Variants in MACROD2 observed in about 807,000 individuals in gnomAD.
MACROD2 encodes the protein mono-ADP ribosylhydrolase 2, also known as ADP-ribose glycohydrolase MACROD2.
MACROD2 carries 36 observed loss-of-function variants against 70.4 expected under a neutral mutation model. The ratio of observed to expected loss-of-function variants is 0.51; its 90% CI spans 0.39 to 0.68. The LOEUF (loss-of-function observed/expected upper bound fraction) is 0.68. MACROD2 is among the 30% of genes least tolerant of loss of function. The pLI is 0.00. For missense variants in MACROD2, 496 were observed against 538.4 expected (o/e 0.92, Z 0.78); for synonymous variants, 172 against 178.8 (o/e 0.96, Z 0.30).
chr20:15,217,115 AAG>A (rs908880909), intron 5 of MACROD2, among the ~76,000 whole-genome samples: 30 of 152,300 alleles, frequency 2.0e-4, no homozygotes, highest in African/African-American at 7.2e-4. Context: ...GGCATCCAAG[AAG>A]TAGTAGAAGC....
At chr20:15,207,353 G>A (rs1159537506) in intron 5 of MACROD2, among the ~76,000 whole-genome samples, 1 of 151,076 alleles carries the variant, frequency 6.6e-6, no homozygotes, top group Non-Finnish European at 1.5e-5. Context: ...GGGTTTGACA[G>A]AGTTTTAATT....
chr20:14,659,320 G>T (rs775351432), intron 4 of MACROD2, among the ~76,000 whole-genome samples: 5 of 152,114 alleles, frequency 3.3e-5, no homozygotes, highest in Non-Finnish European at 5.9e-5. Context: ...GTTTTTGGAA[G>T]AACACTTGTT....
At chr20:15,665,973 G>A (rs17697285) in intron 8 of MACROD2, among the ~76,000 whole-genome samples, 1,656 of 140,204 alleles carry the variant, frequency 0.012, 15 homozygotes, top group East Asian at 0.03. Context: ...GATATTTCAT[G>A]CTGTAGAGAA....
intron 5 of MACROD2, among the ~76,000 whole-genome samples, chr20:15,210,455 C>T (rs763324176): frequency 1.3e-4 from 19 of 151,950 alleles, no homozygotes; most frequent in Non-Finnish European, 2.4e-4. Context: ...AATAATTAAC[C>T]ATTTCATCTG....
chr20:15,774,434 T>C (rs567603661), intron 8 of MACROD2, among the ~76,000 whole-genome samples: 2 of 152,316 alleles, frequency 1.3e-5, no homozygotes, highest in African/African-American at 2.4e-5. Flanking sequence ...TCTCTTTTAC[T>C]TTGAAATCTC....
At chr20:15,503,706 C>T (rs1807616344) in intron 8 of MACROD2, among the ~76,000 whole-genome samples, 1 of 152,192 alleles carries the variant, frequency 6.6e-6, no homozygotes, top group African/African-American at 2.4e-5. Context: ...CTTTTATTCT[C>T]ATTCACCTGC....
intron 3 of MACROD2, among the ~76,000 whole-genome samples, chr20:14,341,311 C>T (rs2083010074): frequency 1.3e-5 from 2 of 152,196 alleles, no homozygotes; most frequent in South Asian, 4.1e-4. Flanking sequence ...CCTCAGCATT[C>T]TTCATGAGAA....
At chr20:14,742,034 CAGAT>C (rs1482809123) in intron 5 of MACROD2, among the ~76,000 whole-genome samples, 7 of 152,190 alleles carry the variant, frequency 4.6e-5, no homozygotes, top group South Asian at 2.1e-4. Context: ...TTTGGAAACA[CAGAT>C]AGAAGTGTCA....
intron 8 of MACROD2, among the ~76,000 whole-genome samples, chr20:15,769,130 G>A (rs2051578597): frequency 6.6e-6 from 1 of 152,246 alleles, no homozygotes; most frequent in South Asian, 2.1e-4. Flanking sequence ...TAATGCAATG[G>A]TGTTTTGTTT....
intron 8 of MACROD2, among the ~76,000 whole-genome samples, chr20:15,538,951 G>A (rs545680834): frequency 6.6e-6 from 1 of 151,908 alleles, no homozygotes; most frequent in Non-Finnish European, 1.5e-5. Flanking sequence ...AATTATAACT[G>A]TATGGGCATA....
At chr20:15,355,300 A>G (rs1278212797) in intron 6 of MACROD2, among the ~76,000 whole-genome samples, 2 of 152,234 alleles carry the variant, frequency 1.3e-5, no homozygotes, top group East Asian at 3.8e-4. Context: ...CCCCTCATGT[A>G]TGTTAATTTG....
chr20:14,747,125 G>A (rs188690276), intron 5 of MACROD2, among the ~76,000 whole-genome samples: 6 of 152,234 alleles, frequency 3.9e-5, no homozygotes, highest in South Asian at 2.1e-4. Flanking sequence ...TAAAGGTAGC[G>A]TGCTTTGCCA....
chr20:15,275,472 T>A (rs2077382747), intron 6 of MACROD2, among the ~76,000 whole-genome samples: 1 of 152,186 alleles, frequency 6.6e-6, no homozygotes, highest in Non-Finnish European at 1.5e-5. Context: ...ATCTAACAAA[T>A]CTTGCTGTGC....
chr20:15,053,739 T>C (rs1054945853), intron 5 of MACROD2, among the ~76,000 whole-genome samples: 1 of 152,160 alleles, frequency 6.6e-6, no homozygotes, highest in Admixed American at 6.5e-5. Context: ...GTCTTATTAT[T>C]TAAAGAATAC....
At chr20:14,999,972 G>A (rs1234148989) in intron 5 of MACROD2, among the ~76,000 whole-genome samples, 1 of 152,146 alleles carries the variant, frequency 6.6e-6, no homozygotes, top group East Asian at 1.9e-4. Flanking sequence ...ACTGTATATT[G>A]TTCAGGGCTA....
intron 5 of MACROD2, among the ~76,000 whole-genome samples, chr20:15,010,917 C>T (rs2075077949): frequency 6.6e-6 from 1 of 152,114 alleles, no homozygotes; most frequent in Admixed American, 6.5e-5. Context: ...CATGTTTTTC[C>T]TCCAAAATCA....
chr20:15,555,656 C>T (rs1268511020), intron 8 of MACROD2, among the ~76,000 whole-genome samples: 2 of 151,708 alleles, frequency 1.3e-5, no homozygotes, highest in Non-Finnish European at 2.9e-5. Context: ...ACCAGCACAA[C>T]ACGGTGAAAC....
At chr20:14,911,197 G>A (rs1009526271) in intron 5 of MACROD2, among the ~76,000 whole-genome samples, 4 of 152,126 alleles carry the variant, frequency 2.6e-5, no homozygotes, top group East Asian at 3.9e-4. Context: ...ATGAGAGTCC[G>A]TATTGGCAAC....
At chr20:14,219,696 A>G (rs1324212929) in intron 3 of MACROD2, among the ~76,000 whole-genome samples, 1 of 152,160 alleles carries the variant, frequency 6.6e-6, no homozygotes, top group Non-Finnish European at 1.5e-5. Flanking sequence ...GCTGTTGTTC[A>G]GATTCTTTTT....
Sources: allele counts gnomAD v4.1 joint callset (sites outside exome capture counted in the v4.1 genomes callset), GRCh38; gene constraint gnomAD v4.1.1; transcripts MANE v1.5; gene names NCBI Gene and HGNC (gene_info 2026-07-23, HGNC 2026-07-21).